The following SPATA13 variants were observed in gnomAD, a reference collection of about 807,000 sequenced individuals.
SPATA13 encodes the protein spermatogenesis-associated protein 13.
Under a neutral mutation model 104.0 loss-of-function variants are expected in SPATA13, and 50 were observed. The observed-to-expected ratio is 0.48, with a 90% CI of 0.38 to 0.61. The LOEUF is 0.61. SPATA13 is among the 20% of genes least tolerant of loss of function. SPATA13 has a pLI of 0.00. For synonymous variants in SPATA13, 606 were observed against 667.5 expected, an observed-to-expected ratio of 0.91 and a Z score of 1.42; for missense variants, 1,524 against 1,690.6, an observed-to-expected ratio of 0.90 and a Z score of 1.73.
rs149233311 is a variant in SPATA13 at position 24,294,745 on chromosome 13, C to T, written c.3087C>T (p.Tyr1029=). ...LKYTTQEHGD[Y]SNIKAAYEAM... ...TTAACCTCCCATCTTGCAGTGATTACAGCAACATAAAGGCAGCATATGAGG... is the reference window on the plus strand; with the variant it reads ...TTAACCTCCCATCTTGCAGTGATTATAGCAACATAAAGGCAGCATATGAGG... The change falls in exon 10 of 13, where the codon TAC becomes TAT. Residue 1029 remains tyrosine (Y), a synonymous_variant. Transcript: ENST00000382108. 393 of 1,589,970 alleles carry T rather than the reference C, an allele frequency of 2.5e-4. 2 individuals are homozygous for T. The African/African-American group carries it at 4.6e-3, about 19-fold the overall frequency.
intron 1 of SPATA13, among the ~76,000 whole-genome samples, chr13:24,215,142 G>C (rs893557985): frequency 3.3e-5 from 5 of 152,148 alleles, no homozygotes; most frequent in Admixed American, 6.5e-5. Flanking sequence ...GTGCTCCAGG[G>C]ACCCCTGTTC....
At chr13:24,239,570 C>T (rs1052759299) in intron 2 of SPATA13, among the ~76,000 whole-genome samples, 2 of 150,852 alleles carry the variant, frequency 1.3e-5, no homozygotes, top group Non-Finnish European at 2.9e-5. Flanking sequence ...TGGTGTGCAC[C>T]TCTAGTCCCA....
intron 3 of SPATA13, among the ~76,000 whole-genome samples, chr13:24,138,094 A>C (rs1339744828): frequency 6.6e-6 from 1 of 151,842 alleles, no homozygotes; most frequent in African/African-American, 2.4e-5. Context: ...GAGGTCAGGA[A>C]TTCGAGACCA....
At chr13:24,239,694 A>C (rs987501498) in intron 2 of SPATA13, among the ~76,000 whole-genome samples, 1 of 5,162 alleles carries the variant, frequency 1.9e-4, no homozygotes, top group Non-Finnish European at 5.1e-4. Flanking sequence ...GACCATATCT[A>C]AAAAAAAAAA....
chr13:24,018,157 T>C (rs1333893115), intron 3 of SPATA13, among the ~76,000 whole-genome samples: 1 of 152,222 alleles, frequency 6.6e-6, no homozygotes, highest in Non-Finnish European at 1.5e-5. Context: ...GTTTTGGGTT[T>C]TGTATGTTTG....
At chr13:24,169,248 G>T (rs576044747) in intron 1 of SPATA13, among the ~76,000 whole-genome samples, 1 of 152,242 alleles carries the variant, frequency 6.6e-6, no homozygotes, top group African/African-American at 2.4e-5. Context: ...GAATGTGATG[G>T]AACACGAATG....
At chr13:24,038,166 A>G (rs887640390) in intron 3 of SPATA13, among the ~76,000 whole-genome samples, 27 of 151,168 alleles carry the variant, frequency 1.8e-4, no homozygotes, top group Admixed American at 1.1e-3. Context: ...GCCTGCCTCG[A>G]CCTCCGAAAG....
At chr13:24,150,692 C>T (rs1216994354) in intron 3 of SPATA13, among the ~76,000 whole-genome samples, 1 of 152,104 alleles carries the variant, frequency 6.6e-6, no homozygotes. Context: ...CAGGCCACAG[C>T]AGGCTGGGGA....
chr13:23,980,888 G>A (rs578077630), intron 1 of SPATA13, among the ~76,000 whole-genome samples: 92 of 152,206 alleles, frequency 6.0e-4, no homozygotes, highest in African/African-American at 2.2e-3. Flanking sequence ...CACTGCGCCT[G>A]GCCAACAAAG....
chr13:24,189,944 C>CGTAAT (rs1566140820), intron 1 of SPATA13, among the ~76,000 whole-genome samples: 1 of 29,020 alleles, frequency 3.4e-5, no homozygotes, highest in Non-Finnish European at 6.0e-5. Flanking sequence ...TAATATATTA[C>CGTAAT]ATAATATATT....
chr13:24,128,501 A>G (rs1881290366), intron 3 of SPATA13, among the ~76,000 whole-genome samples: 1 of 152,086 alleles, frequency 6.6e-6, no homozygotes, highest in Non-Finnish European at 1.5e-5. Context: ...GCCATTAGGA[A>G]AGTGCATGGG....
At chr13:24,002,700 G>A (rs949525223) in intron 2 of SPATA13, among the ~76,000 whole-genome samples, 3 of 152,146 alleles carry the variant, frequency 2.0e-5, no homozygotes, top group African/African-American at 7.2e-5. Flanking sequence ...GGAAGGAAGA[G>A]CATCCAGTGC....
chr13:24,301,906 CA>C lies in SPATA13; in HGVS notation c.3659-691del, dbSNP rs1342916911. The stretch of plus-strand genomic sequence containing the variant: ...TACTTCTATTAATTCATTTAATTCT[CA>C]TAGCAACCCCATAGGTACTGTAATC... On this transcript the variant is annotated intron_variant, in intron 12 of 12. Coordinates refer to ENST00000382108, the MANE Select transcript of SPATA13 (RefSeq NM_001166271.3). 3.9e-5 allele frequency among the ~76,000 whole-genome samples: 6 copies of C among 152,350 alleles called. No homozygotes were observed. The East Asian group carries it at 1.2e-3, about 29-fold the overall frequency.
At chr13:24,272,458 G>A (rs879130712) in intron 4 of SPATA13, among the ~76,000 whole-genome samples, 2 of 152,206 alleles carry the variant, frequency 1.3e-5, no homozygotes, top group Admixed American at 1.3e-4. Flanking sequence ...ATGACAACAA[G>A]CACCATATTT....
chr13:24,007,177 C>T (rs762084773), intron 2 of SPATA13, among the ~76,000 whole-genome samples: 13 of 152,134 alleles, frequency 8.5e-5, no homozygotes, highest in African/African-American at 1.2e-4. Context: ...GGGCCTGTGC[C>T]GGTTGCCTGG....
Position 24,141,771 on chromosome 13 carries a change from C to T in SPATA13, c.-111-81048C>T, listed in dbSNP as rs116933171. On this transcript the variant is annotated intron_variant, in intron 3 of 14. Coordinates refer to the SPATA13 transcript ENST00000424834. ...GGAGCCTCCCGTGGCTAAGAAAGATCGAGAGCTATCATTAAGTGAACGTTG... is the reference window on the plus strand; with the variant it reads ...GGAGCCTCCCGTGGCTAAGAAAGATTGAGAGCTATCATTAAGTGAACGTTG... Among the ~76,000 whole-genome samples, 321 of 152,294 alleles carry T rather than the reference C, an allele frequency of 2.1e-3. 6 individuals carry two copies. In the East Asian group the frequency reaches 0.041, roughly 19 times the overall value.
At position 24,237,276 on chromosome 13, in the gene SPATA13, T is replaced by C. The variant is rs138090863; in HGVS notation, c.1654-12201T>C. 3.4e-3 allele frequency among the ~76,000 whole-genome samples: 523 copies of C among 152,052 alleles called. 4 individuals are homozygous for C. The highest frequency in any genetic ancestry group is 0.012 in the African/African-American group (503 of 41,486). ...GGAGGTGGAGGCTGAGGCAGGAGAA[T>C]CTCTTGAACCCAGGGGGTGGAGGTT... On this transcript the variant is annotated intron_variant, in intron 2 of 12. Transcript: ENST00000382108.
chr13:24,173,673 G>A (rs775253687), intron 1 of SPATA13, among the ~76,000 whole-genome samples: 2 of 152,018 alleles, frequency 1.3e-5, no homozygotes, highest in Non-Finnish European at 1.5e-5. Context: ...TGAAGAATGG[G>A]TGTTGAATTT....
chr13:24,069,284 T>G (rs148815362), intron 3 of SPATA13, among the ~76,000 whole-genome samples: 1 of 152,236 alleles, frequency 6.6e-6, no homozygotes, highest in African/African-American at 2.4e-5. Context: ...GTTTGTGTCA[T>G]CTCTGATTTA....
Sources: allele counts gnomAD v4.1 joint callset (sites outside exome capture counted in the v4.1 genomes callset), GRCh38; gene constraint gnomAD v4.1.1; transcripts MANE v1.5; gene names NCBI Gene and HGNC (gene_info 2026-07-23, HGNC 2026-07-21).